The following MICU1 variants were observed in gnomAD, a reference collection of about 807,000 sequenced individuals.
MICU1 encodes the protein mitochondrial calcium uptake 1, also known as calcium uptake protein 1, mitochondrial.
MICU1 carries 45 observed loss-of-function variants against 56.8 expected under a neutral mutation model. The ratio of observed to expected loss-of-function variants is 0.79; its 90% CI spans 0.62 to 1.02. The LOEUF (loss-of-function observed/expected upper bound fraction) is 1.02. Among genes scored for constraint, MICU1 ranks in the 50% least tolerant of loss-of-function variants. MICU1 has a pLI of 0.00. For synonymous variants in MICU1, 186 were observed against 195.1 expected (o/e 0.95, Z 0.39); for missense variants, 504 against 587.1 (o/e 0.86, Z 1.46).
chr10:72,516,535 C>T (rs1167445575), intron 5 of MICU1, among the ~76,000 whole-genome samples: 3 of 152,080 alleles, frequency 2.0e-5, no homozygotes, highest in Non-Finnish European at 2.9e-5. Context: ...ATGGTATTGC[C>T]TAGGTTTTCT....
At position 72,536,273 on chromosome 10, in the gene MICU1, T is replaced by C. The variant is rs560321737; in HGVS notation, c.494-2484A>G. 3.3e-5 allele frequency among the ~76,000 whole-genome samples: 5 copies of C among 150,966 alleles called. No individual in the cohort carries two copies. In the East Asian group the frequency reaches 9.6e-4, roughly 29 times the overall value. ...CCTTATCTAATCACTATATAAATTA[T>C]ATGTATCAAAACAGCACTATGTACC... On this transcript the variant is annotated intron_variant, in intron 4 of 11. Coordinates refer to ENST00000361114, the MANE Select transcript of MICU1 (RefSeq NM_001195518.2).
chr10:72,561,712 G>A (rs1183715867), intron 3 of MICU1, among the ~76,000 whole-genome samples: 1 of 152,202 alleles, frequency 6.6e-6, no homozygotes, highest in East Asian at 1.9e-4. Flanking sequence ...TTGGGAAGCT[G>A]AGGCAGGAGA....
intron 1 of MICU1, among the ~76,000 whole-genome samples, chr10:72,608,921 G>A (rs995710030): frequency 1.3e-5 from 2 of 152,192 alleles, no homozygotes; most frequent in South Asian, 2.1e-4. Context: ...ATCTGACCAT[G>A]AAGCAGCCCT....
chr10:72,606,501 G>A (rs553482956), intron 1 of MICU1, among the ~76,000 whole-genome samples: 13 of 151,580 alleles, frequency 8.6e-5, no homozygotes, highest in Non-Finnish European at 1.8e-4. Flanking sequence ...CAACAAGAGC[G>A]AAATGATGTC....
intron 1 of MICU1, among the ~76,000 whole-genome samples, chr10:72,622,131 G>C (rs1842118981): frequency 6.6e-6 from 1 of 151,598 alleles, no homozygotes; most frequent in Non-Finnish European, 1.5e-5. Context: ...CACCATGTTA[G>C]CCAGGATGGT....
chr10:72,579,175 G>C (rs1840832435), intron 1 of MICU1, among the ~76,000 whole-genome samples: 1 of 152,080 alleles, frequency 6.6e-6, no homozygotes, highest in African/African-American at 2.4e-5. Flanking sequence ...ATTGTACATT[G>C]TCTTAGTCTG....
chr10:72,609,805 G>A (rs1480171648), intron 1 of MICU1, among the ~76,000 whole-genome samples: 1 of 151,216 alleles, frequency 6.6e-6, no homozygotes, highest in Non-Finnish European at 1.5e-5. Flanking sequence ...GGAGGCCTAG[G>A]TGGGTGGATC....
At chr10:72,476,821 A>ATATG (rs1392774354) in intron 7 of MICU1, among the ~76,000 whole-genome samples, 1 of 152,184 alleles carries the variant, frequency 6.6e-6, no homozygotes, top group African/African-American at 2.4e-5. Context: ...CTTTAAGAAA[A>ATATG]TATGTAGTCC....
At chr10:72,587,001 G>A (rs1424583296) in intron 1 of MICU1, among the ~76,000 whole-genome samples, 2 of 152,116 alleles carry the variant, frequency 1.3e-5, no homozygotes, top group Non-Finnish European at 2.9e-5. Context: ...AAGAGAAAAA[G>A]CACCAAATCT....
At chr10:72,565,401 A>C (rs1298100568) in intron 2 of MICU1, among the ~76,000 whole-genome samples, 1 of 149,168 alleles carries the variant, frequency 6.7e-6, no homozygotes, top group East Asian at 2.0e-4. Context: ...AAAAAACCAA[A>C]CACTGCATGT....
At chr10:72,613,494 C>T (rs1163605869) in intron 1 of MICU1, among the ~76,000 whole-genome samples, 1 of 151,684 alleles carries the variant, frequency 6.6e-6, no homozygotes, top group Non-Finnish European at 1.5e-5. Flanking sequence ...TCAGGCTGGT[C>T]TCCAACTCCT....
chr10:72,525,925 T>C (rs190701822), intron 5 of MICU1, among the ~76,000 whole-genome samples: 106 of 152,234 alleles, frequency 7.0e-4, no homozygotes, highest in Non-Finnish European at 1.2e-3. Flanking sequence ...CTATTACACA[T>C]AAAGAAGTTC....
At chr10:72,614,019 C>T (rs745428447) in intron 1 of MICU1, among the ~76,000 whole-genome samples, 131 of 152,106 alleles carry the variant, frequency 8.6e-4, no homozygotes, top group Non-Finnish European at 1.4e-3. Flanking sequence ...TGGTGGCGGG[C>T]GCCTGTCCCA....
At chr10:72,577,718 T>TA (rs1256697879) in intron 1 of MICU1, among the ~76,000 whole-genome samples, 311 of 152,222 alleles carry the variant, frequency 2.0e-3, no homozygotes, top group African/African-American at 7.1e-3. Context: ...AAATTTCAAT[T>TA]AAAAAAATTT....
intron 9 of MICU1, among the ~76,000 whole-genome samples, chr10:72,409,631 C>A (rs1019139676): frequency 6.6e-6 from 1 of 152,180 alleles, no homozygotes; most frequent in African/African-American, 2.4e-5. Context: ...GCAGAGGTTG[C>A]AGGGAGCTGA....
intron 8 of MICU1, among the ~76,000 whole-genome samples, chr10:72,474,761 C>T (rs1866061130): frequency 1.3e-5 from 2 of 152,218 alleles, no homozygotes; most frequent in African/African-American, 4.8e-5. Context: ...TCTCCATCTT[C>T]TGGTGTCTTC....
intron 9 of MICU1, among the ~76,000 whole-genome samples, chr10:72,409,214 C>T (rs1351416398): frequency 6.6e-6 from 1 of 152,214 alleles, no homozygotes; most frequent in African/African-American, 2.4e-5. Flanking sequence ...TAAAGAGCTG[C>T]AGATGTAGAC....
chr10:72,377,304 G>C (rs1862556623), intron 10 of MICU1, among the ~76,000 whole-genome samples: 1 of 152,052 alleles, frequency 6.6e-6, no homozygotes, highest in Non-Finnish European at 1.5e-5. Context: ...ATTTTTAGTA[G>C]AGATGGGGTT....
chr10:72,616,065 T>G (rs533193799), intron 1 of MICU1, among the ~76,000 whole-genome samples: 1 of 152,218 alleles, frequency 6.6e-6, no homozygotes, highest in South Asian at 2.1e-4. Context: ...AGAATATGCT[T>G]ATGAAAACTG....
Sources: allele counts gnomAD v4.1 joint callset (sites outside exome capture counted in the v4.1 genomes callset), GRCh38; gene constraint gnomAD v4.1.1; transcripts MANE v1.5; gene names NCBI Gene and HGNC (gene_info 2026-07-23, HGNC 2026-07-21).